Variants in CACNA2D3 observed in about 807,000 individuals in gnomAD.
CACNA2D3 encodes the protein calcium voltage-gated channel auxiliary subunit alpha2delta 3.
In CACNA2D3, 60 loss-of-function variants were observed where a neutral mutation model predicts 160.6. That is an observed-to-expected ratio of 0.37 (90% CI 0.30 to 0.46). The LOEUF (loss-of-function observed/expected upper bound fraction) is 0.46. Among genes scored for constraint, CACNA2D3 ranks in the 20% least tolerant of loss-of-function variants. The probability of loss-of-function intolerance (pLI) is 1.00; values close to 1 mark genes in which losing one functional copy is unlikely to be tolerated. For synonymous variants in CACNA2D3, 558 were observed against 492.9 expected (o/e 1.13, Z -1.75); for missense variants, 1,205 against 1,365.0 (o/e 0.88, Z 1.85).
At chr3:54,923,919 C>T (rs1466905165) in intron 27 of CACNA2D3, among the ~76,000 whole-genome samples, 2 of 152,224 alleles carry the variant, frequency 1.3e-5, no homozygotes, top group Non-Finnish European at 2.9e-5. Context: ...AAAGCAACCA[C>T]TCACTCATTA....
intron 31 of CACNA2D3, among the ~76,000 whole-genome samples, chr3:54,997,184 AAAAT>A (rs747283109): frequency 2.0e-5 from 3 of 152,168 alleles, no homozygotes; most frequent in East Asian, 1.9e-4. Flanking sequence ...AACAAAAAAT[AAAAT>A]AAATAAAGTC....
chr3:54,580,206 G>A (rs1366311983), intron 8 of CACNA2D3, among the ~76,000 whole-genome samples: 1 of 152,000 alleles, frequency 6.6e-6, no homozygotes, highest in Admixed American at 6.6e-5. Flanking sequence ...CTAAGATAAC[G>A]TGCAGATGAA....
chr3:54,807,648 G>A lies in CACNA2D3; in HGVS notation c.1381-9205G>A, dbSNP rs578194153. Among the ~76,000 whole-genome samples, 552 of 151,666 alleles carry A rather than the reference G, an allele frequency of 3.6e-3. 3 individuals are homozygous for A. The highest frequency in any genetic ancestry group is 0.012 in the African/African-American group (476 of 41,320). ...CAACCATTGTGGAAGTCAGTGTGGC[G>A]ATTCCTCAGGGATCTAGAACTAGAA... On this transcript the variant is annotated intron_variant, in intron 13 of 37. Coordinates refer to ENST00000474759, the MANE Select transcript of CACNA2D3 (RefSeq NM_018398.3).
At chr3:54,333,250 G>C (rs1704304611) in intron 3 of CACNA2D3, among the ~76,000 whole-genome samples, 1 of 152,060 alleles carries the variant, frequency 6.6e-6, no homozygotes, top group Non-Finnish European at 1.5e-5. Flanking sequence ...ATTTTACTCT[G>C]CTCCCCAATT....
chr3:54,699,971 T>C (rs1700737251), intron 11 of CACNA2D3, among the ~76,000 whole-genome samples: 1 of 152,114 alleles, frequency 6.6e-6, no homozygotes, highest in African/African-American at 2.4e-5. Context: ...TTTGTGTGGG[T>C]GCTGATGTGC....
intron 24 of CACNA2D3, among the ~76,000 whole-genome samples, chr3:54,889,487 T>C (rs1320634777): frequency 2.6e-5 from 4 of 151,834 alleles, no homozygotes; most frequent in African/African-American, 4.8e-5. Context: ...TTGTGGAGGG[T>C]AGGGAGGTTG....
intron 3 of CACNA2D3, among the ~76,000 whole-genome samples, chr3:54,384,010 T>C (rs1304052227): frequency 6.6e-6 from 1 of 152,250 alleles, no homozygotes; most frequent in Non-Finnish European, 1.5e-5. Flanking sequence ...AAAATATATA[T>C]GAAATACATT....
chr3:54,810,436 A>G (rs1366551716), intron 13 of CACNA2D3, among the ~76,000 whole-genome samples: 6 of 152,178 alleles, frequency 3.9e-5, no homozygotes, highest in Non-Finnish European at 5.9e-5. Context: ...TCTTTGCTCT[A>G]TAGTAGAGTG....
At chr3:54,578,494 G>T (rs73841667) in intron 8 of CACNA2D3, among the ~76,000 whole-genome samples, 4 of 152,234 alleles carry the variant, frequency 2.6e-5, no homozygotes, top group African/African-American at 9.7e-5. Flanking sequence ...GGTCCCCCTC[G>T]GGAGGAGCCG....
chr3:54,154,872 G>A (rs1004320782), intron 2 of CACNA2D3, among the ~76,000 whole-genome samples: 1 of 151,650 alleles, frequency 6.6e-6, no homozygotes. Flanking sequence ...TGTTTCCTAC[G>A]TTTCAGTCAT....
chr3:54,866,142 C>A (rs1371543115), intron 17 of CACNA2D3, among the ~76,000 whole-genome samples: 1 of 151,918 alleles, frequency 6.6e-6, no homozygotes, highest in Admixed American at 6.6e-5. Flanking sequence ...CAAGGCTTGC[C>A]CAGGCCTGGC....
chr3:54,295,662 G>A (rs1245721606), intron 2 of CACNA2D3, among the ~76,000 whole-genome samples: 1 of 152,184 alleles, frequency 6.6e-6, no homozygotes, highest in Non-Finnish European at 1.5e-5. Context: ...TTATGCCTTA[G>A]TTAGTCTAGC....
At chr3:54,636,789 C>T (rs948065836) in intron 10 of CACNA2D3, among the ~76,000 whole-genome samples, 53 of 151,816 alleles carry the variant, frequency 3.5e-4, no homozygotes, top group African/African-American at 1.2e-3. Context: ...AGAATTATGC[C>T]GAGATAGGTA....
At position 54,345,837 on chromosome 3, in the gene CACNA2D3, T is replaced by TA. The variant is rs60474102; in HGVS notation, c.321+25279_321+25280insA. 4.6e-3 allele frequency among the ~76,000 whole-genome samples: 670 copies of TA among 145,294 alleles called. 18 individuals are homozygous for TA. In the East Asian group the frequency reaches 0.081, roughly 18 times the overall value. ...TTCCAAGTCTCTCTTGATGCTCTTT[T>TA]TTTTTTTTAAAAAAATTGCATGTGT... On this transcript the variant is annotated intron_variant, in intron 3 of 37. Transcript: ENST00000474759.
chr3:54,983,015 C>T (rs1269011335), intron 29 of CACNA2D3, among the ~76,000 whole-genome samples: 1 of 152,148 alleles, frequency 6.6e-6, no homozygotes, highest in Non-Finnish European at 1.5e-5. Flanking sequence ...GGGAATGCAG[C>T]CCAACAGGTC....
Position 54,249,558 on chromosome 3 carries a change from T to TACACACACACACACACACACAC in CACNA2D3, c.205-70875_205-70854dup, listed in dbSNP as rs149515122. 2.1e-3 allele frequency among the ~76,000 whole-genome samples: 266 copies of TACACACACACACACACACACAC among 123,860 alleles called. 18 individuals are homozygous for TACACACACACACACACACACAC. Among genetic ancestry groups the TACACACACACACACACACACAC allele is most frequent in the African/African-American group, 6.4e-3 (183 of 28,684 alleles). The allele number at this position is 123,860 out of a possible 152,430, so 81.3% of individuals were successfully genotyped here. A position where few individuals can be genotyped will look rare whatever the true frequency, so the allele number is the denominator to read the frequency against. On this transcript the variant is annotated intron_variant, in intron 2 of 37. Coordinates refer to ENST00000474759, the MANE Select transcript of CACNA2D3 (RefSeq NM_018398.3). ...CTTAGAATAAATGTCTCTGTTTACGTACACACACACACACACACACACACA... is the reference window on the plus strand; with the variant it reads ...CTTAGAATAAATGTCTCTGTTTACGTACACACACACACACACACACACACACACACACACACACACACACACA...
intron 27 of CACNA2D3, among the ~76,000 whole-genome samples, chr3:54,913,415 A>G (rs576973936): frequency 8.5e-5 from 13 of 152,242 alleles, no homozygotes; most frequent in African/African-American, 2.2e-4. Context: ...GAGTATTTCA[A>G]TGGGAAATAC....
intron 17 of CACNA2D3, among the ~76,000 whole-genome samples, chr3:54,852,129 G>A (rs540575819): frequency 6.6e-5 from 10 of 152,332 alleles, no homozygotes; most frequent in African/African-American, 1.7e-4. Flanking sequence ...CTCCTCTGCC[G>A]TGGCCACCAC....
intron 17 of CACNA2D3, among the ~76,000 whole-genome samples, chr3:54,868,363 G>A (rs897809827): frequency 4.6e-5 from 7 of 152,266 alleles, no homozygotes; most frequent in African/African-American, 1.4e-4. Flanking sequence ...CCCTACCCCC[G>A]ATCTGTATCT....
Sources: allele counts gnomAD v4.1 joint callset (sites outside exome capture counted in the v4.1 genomes callset), GRCh38; gene constraint gnomAD v4.1.1; transcripts MANE v1.5; gene names NCBI Gene and HGNC (gene_info 2026-07-23, HGNC 2026-07-21).